The following UNC45B variants were observed in gnomAD, a reference collection of about 807,000 sequenced individuals.
UNC45B encodes unc-45 myosin chaperone B.
A neutral mutation model predicts 98.7 loss-of-function variants in UNC45B; 78 were observed. That is an observed-to-expected ratio of 0.79 (90% CI 0.66 to 0.95). The LOEUF (loss-of-function observed/expected upper bound fraction) is 0.95. Ranked by LOEUF, UNC45B falls within the 40% of genes least tolerant of loss-of-function variation. The pLI is 0.00. For synonymous variants in UNC45B, 462 were observed against 480.4 expected (o/e 0.96, Z 0.50); for missense variants, 1,225 against 1,184.9 (o/e 1.03, Z -0.50).
chr17:35,171,576 G>T, intron 13 of UNC45B, 114 bp downstream of exon 13: 4 of 1,326,216 alleles, frequency 3.0e-6, no homozygotes, highest in Non-Finnish European at 3.1e-6. Context: ...TTGGGTGGTT[G>T]GGGGTAAGAT....
rs1313350372 is a variant in UNC45B, at chr17:35,177,475, C to G, written c.2140-20C>G. The G allele has an allele frequency of 1.3e-6, 2 of 1,545,002 alleles. No homozygotes were observed. The highest frequency in any genetic ancestry group is 3.9e-5 in the Admixed American group (2 of 50,956). On this transcript the variant is annotated intron_variant, in intron 16 of 19. Coordinates refer to ENST00000394570, the MANE Select transcript of UNC45B (RefSeq NM_001267052.2). ...GAACAAAGTCCTCACCTGACCAAAC[C>G]CTTGACCCCTCCCCAACAGGTGTAT...
chr17:35,186,357 A>G lies in UNC45B; in HGVS notation c.2588A>G (p.Gln863Arg), dbSNP rs746667015. The stretch of plus-strand genomic sequence containing the variant: ...TGCCTGCACGACCAGCTGTCTGTCC[A>G]ACACCGGGGCCTGGTCATTGCCTAC... ...RLCLHDQLSVQHRGLVIAYNL... is the reference protein window; with the variant it reads ...RLCLHDQLSVRHRGLVIAYNL... The change falls in exon 20 of 20, where the codon CAA (glutamine) becomes CGA (arginine). Residue 863 changes from glutamine (Q) to arginine (R), a missense_variant. Coordinates refer to ENST00000394570, the MANE Select transcript of UNC45B (RefSeq NM_001267052.2). 6 of 1,614,188 alleles carry G rather than the reference A, an allele frequency of 3.7e-6. No individual in the cohort carries two copies. Among genetic ancestry groups the G allele is most frequent in the Non-Finnish European group, 5.1e-6 (6 of 1,180,034 alleles).
chr17:35,148,848 C>A, intron 2 of UNC45B, 125 bp from the exon 3 acceptor site: 1 of 1,169,812 alleles, frequency 8.5e-7, no homozygotes, highest in Non-Finnish European at 1.2e-6. Flanking sequence ...AGGAGCATGC[C>A]CTGGGCCTCT....
chr17:35,174,766 A>G (rs766357601), intron 14 of UNC45B, among the ~76,000 whole-genome samples: 3 of 151,836 alleles, frequency 2.0e-5, no homozygotes, highest in Non-Finnish European at 4.4e-5. Flanking sequence ...GCTGCAGTGA[A>G]TGATGATGGT....
chr17:35,154,493 G>A lies in UNC45B; in HGVS notation c.472-81G>A, dbSNP rs2092043574. 3.8e-6 allele frequency: 5 copies of A among 1,333,160 alleles called. No homozygotes were observed. The African/African-American group carries it at 7.6e-5, about 20-fold the overall frequency. 82.6% of individuals were successfully genotyped at this position (1,333,160 alleles called of 1,614,324 possible). The stretch of plus-strand genomic sequence containing the variant: ...TTCTGAAGATCCAGTCTTTGCACTG[G>A]CTCTTCTTGTACTTGGCCCATGGTC... On this transcript the variant is annotated intron_variant, in intron 5 of 19. Transcript: ENST00000394570.
chr17:35,159,295 T>C (rs1855778086), intron 7 of UNC45B, 80 bp from the exon 8 acceptor site: 2 of 1,340,932 alleles, frequency 1.5e-6, no homozygotes, highest in Non-Finnish European at 2.1e-6. Context: ...TTCCAGAGTC[T>C]AGAAGCTGCT....
chr17:35,169,754 A>G, intron 10 of UNC45B, 83 bp from the exon 11 acceptor site: 1 of 1,254,912 alleles, frequency 8.0e-7, no homozygotes, highest in Non-Finnish European at 1.2e-6. Context: ...TTCTGGCCAT[A>G]GAAACCTGTT....
At position 35,166,155 on chromosome 17, in the gene UNC45B, C is replaced by A. The variant is rs754784405; in HGVS notation, c.1152-1906C>A. Among the ~76,000 whole-genome samples the A allele has an allele frequency of 3.7e-4, 54 of 146,824 alleles. 1 individual carries two copies. The highest frequency in any genetic ancestry group is 6.7e-4 in the Non-Finnish European group (45 of 67,284). On this transcript the variant is annotated intron_variant, in intron 9 of 19. Coordinates refer to ENST00000394570, the MANE Select transcript of UNC45B (RefSeq NM_001267052.2). The stretch of plus-strand genomic sequence containing the variant: ...TGGTGGCACACCCCTGTAGTCTCAG[C>A]TACTTGGGAAGCTGAGGTAGGAGGA...
chr17:35,187,456 T>A lies in UNC45B; in HGVS notation c.*897T>A, dbSNP rs1005919138. 1.3e-5 allele frequency: 2 copies of A among 152,208 alleles called. No homozygotes were observed. Among genetic ancestry groups the A allele is most frequent in the Non-Finnish European group, 1.5e-5 (1 of 68,046 alleles). The allele number at this position is 152,208 out of a possible 1,614,324, so 9.4% of individuals were successfully genotyped here. A position where few individuals can be genotyped will look rare whatever the true frequency, so the allele number is the denominator to read the frequency against. The stretch of plus-strand genomic sequence containing the variant: ...GTGACATAGTTGTTATAGTTCATTA[T>A]GGAATAGAAGAGAGAAGAGCATTCT... On this transcript the variant is annotated 3_prime_UTR_variant, in exon 20 of 20. Transcript: ENST00000394570.
rs760644055 is a variant in UNC45B at position 35,174,203 on chromosome 17, C to G, written c.1831-39C>G. ...GTTCCAATACCGATTGGCCTGGCAC[C>G]CAGGACCCTCCCACATTGCCATCTT... On this transcript the variant is annotated intron_variant, in intron 13 of 19. Transcript: ENST00000394570. The G allele has an allele frequency of 1.9e-6, 3 of 1,613,542 alleles. No homozygotes were observed. In the African/African-American group the frequency reaches 4.0e-5, roughly 22 times the overall value.
chr17:35,154,372 G>T (rs1189771731), intron 5 of UNC45B, among the ~76,000 whole-genome samples: 1 of 151,976 alleles, frequency 6.6e-6, no homozygotes, highest in Non-Finnish European at 1.5e-5. Flanking sequence ...TCATCCAGCT[G>T]GTCTTGATGC....
At chr17:35,159,658 A>C in intron 8 of UNC45B, 113 bp downstream of exon 8, 1 of 1,200,716 alleles carries the variant, frequency 8.3e-7, no homozygotes, top group Admixed American at 2.5e-5. Context: ...TTCTAACTGA[A>C]AAGATGAGAA....
In UNC45B at chr17:35,188,991, A is replaced by C. The variant is rs755316445; in HGVS notation, c.*2432A>C. 1 of 151,960 alleles carries C rather than the reference A, an allele frequency of 6.6e-6. No individual in the cohort carries two copies. The highest frequency in any genetic ancestry group is 1.5e-5 in the Non-Finnish European group (1 of 68,006). The allele number at this position is 151,960 out of a possible 1,614,324, so 9.4% of individuals were successfully genotyped here. On this transcript the variant is annotated 3_prime_UTR_variant, in exon 20 of 20. Transcript: ENST00000394570. Reference sequence around the variant, plus strand: ...AATAGGCAGATGCTAGCCTGAGATCATCTCTTTATTGAGGTAGTTTGCCCA... The same window carrying C: ...AATAGGCAGATGCTAGCCTGAGATCCTCTCTTTATTGAGGTAGTTTGCCCA...
intron 8 of UNC45B, among the ~76,000 whole-genome samples, chr17:35,163,079 C>G (rs986640447): frequency 1.3e-5 from 2 of 152,202 alleles, no homozygotes; most frequent in African/African-American, 4.8e-5. Context: ...CTTGACTTCT[C>G]TAAGTCTTGT....
At chr17:35,149,763 C>T (rs1293583828) in intron 3 of UNC45B, among the ~76,000 whole-genome samples, 1 of 152,186 alleles carries the variant, frequency 6.6e-6, no homozygotes, top group African/African-American at 2.4e-5. Context: ...TGGAGGTATG[C>T]AAGCACCGAT....
At chr17:35,179,482 CA>C (rs938114553) in intron 17 of UNC45B, among the ~76,000 whole-genome samples, 1 of 152,132 alleles carries the variant, frequency 6.6e-6, no homozygotes, top group African/African-American at 2.4e-5. Flanking sequence ...TTCACAATAG[CA>C]AAGACTTGGA....
chr17:35,173,557 G>A (rs1285666637), intron 13 of UNC45B, among the ~76,000 whole-genome samples: 1 of 152,074 alleles, frequency 6.6e-6, no homozygotes, highest in African/African-American at 2.4e-5. Context: ...GCCTTTTTCA[G>A]CTTCTAGAGG....
chr17:35,165,556 CTT>C (rs990075480), intron 9 of UNC45B, among the ~76,000 whole-genome samples: 6 of 152,156 alleles, frequency 3.9e-5, no homozygotes, highest in Non-Finnish European at 7.4e-5. Flanking sequence ...GGTCAACAAA[CTT>C]TTTCTATGAA....
At position 35,152,402 on chromosome 17, in the gene UNC45B, G is replaced by A. The variant is rs184109366; in HGVS notation, c.382-491G>A. Among the ~76,000 whole-genome samples the A allele has an allele frequency of 2.7e-3, 411 of 152,306 alleles. 4 individuals are homozygous for A. The highest frequency in any genetic ancestry group is 9.2e-3 in the African/African-American group (382 of 41,558). ...ATGGAGGACCCAGGGCAGTGGGGTT[G>A]GAGTGGGGACTGTGAGGGACTAGAT... On this transcript the variant is annotated intron_variant, in intron 4 of 19. Coordinates refer to ENST00000394570, the MANE Select transcript of UNC45B (RefSeq NM_001267052.2).
Sources: gnomAD v4.1 joint callset for allele counts (sites outside exome capture counted in the v4.1 genomes callset) on GRCh38, gnomAD v4.1.1 for gene constraint, MANE v1.5 for transcripts, NCBI Gene and HGNC (gene_info 2026-07-23, HGNC 2026-07-21) for gene names.